Variants in HR observed in about 807,000 individuals in gnomAD.
HR encodes HR lysine demethylase and nuclear receptor corepressor.
In HR, 83 loss-of-function variants were observed where a neutral mutation model predicts 128.6. The ratio of observed to expected loss-of-function variants is 0.65; its 90% CI spans 0.54 to 0.77. The LOEUF (loss-of-function observed/expected upper bound fraction) is 0.77. HR is among the 30% of genes least tolerant of loss of function. The pLI, the probability that HR is intolerant of heterozygous loss-of-function variation, is 0.00. For synonymous variants in HR, 681 were observed against 658.2 expected, an observed-to-expected ratio of 1.03 and a Z score of -0.53; for missense variants, 1,490 against 1,574.6, an observed-to-expected ratio of 0.95 and a Z score of 0.91.
chr8:22,119,496 A>C (rs1035424986), intron 14 of HR, among the ~76,000 whole-genome samples: 5 of 151,926 alleles, frequency 3.3e-5, no homozygotes, highest in Non-Finnish European at 2.9e-5. Context: ...AATCCCAGCT[A>C]CTCGGGAGGC....
At position 22,130,729 on chromosome 8, in the gene HR, T is replaced by G. The variant is rs1827030742; in HGVS notation, c.-342A>C. On this transcript the variant is annotated 5_prime_UTR_variant, in exon 1 of 19. Transcript: ENST00000381418. The stretch of plus-strand genomic sequence containing the variant: ...GCCATGGGACGCCGAGACTCCGTGC[T>G]GCGCCGCGGGGAGGGCCGGGCCGGG... 1 of 152,154 alleles carries G rather than the reference T, an allele frequency of 6.6e-6. No individual in the cohort carries two copies. Among genetic ancestry groups the G allele is most frequent in the Admixed American group, 6.5e-5 (1 of 15,282 alleles). 9.4% of individuals were successfully genotyped at this position (152,154 alleles called of 1,614,324 possible). A position where few individuals can be genotyped will look rare whatever the true frequency, so the allele number is the denominator to read the frequency against.
intron 14 of HR, 33 bp from the exon 15 acceptor site, chr8:22,119,316 T>A: frequency 6.2e-7 from 1 of 1,612,744 alleles, no homozygotes; most frequent in Non-Finnish European, 8.5e-7. Context: ...CAGTTAGAAA[T>A]GGAATCAGAG....
At chr8:22,115,791 T>G in intron 18 of HR, 29 bp from the exon 19 acceptor site, 2 of 1,607,464 alleles carry the variant, frequency 1.2e-6, no homozygotes, top group South Asian at 2.2e-5. Flanking sequence ...ACAAAGCATT[T>G]TCAACTACAT....
At chr8:22,118,634 GC>G in intron 16 of HR, 1 of 426,068 alleles carries the variant, frequency 2.3e-6, no homozygotes, top group Non-Finnish European at 4.4e-6. Flanking sequence ...GCCTCATGGG[GC>G]GGGGGGCTGA....
chr8:22,115,726 C>T lies in HR; in HGVS notation c.3544G>A (p.Val1182Met), dbSNP rs753736200. Residue 1182 changes from valine (V) to methionine (M), a missense_variant, in exon 19 of 19, where the codon GTG becomes ATG. Physicochemically the swap from Val to Met is conservative, Grantham distance 21 (BLOSUM62 1). Around this residue, in one of 3 missense-constraint regions of HR, gnomAD observed 423 missense variants for 495.9 expected, o/e 0.85. Transcript: ENST00000381418. ...TATTTGGCCTCCTGTAATGTCCCCACGGCCACCTTCACTGCTTGGAACACA... is the reference window on the plus strand; with the variant it reads ...TATTTGGCCTCCTGTAATGTCCCCATGGCCACCTTCACTGCTTGGAACACA... ...WAVFQAVKVAVGTLQEAK is the reference protein window; with the variant it reads ...WAVFQAVKVAMGTLQEAK The T allele has an allele frequency of 2.2e-5, 36 of 1,613,830 alleles. No homozygotes were observed. The highest frequency in any genetic ancestry group is 1.6e-4 in the Middle Eastern group (1 of 6,084).
chr8:22,122,938 G>T, intron 6 of HR, 59 bp from the exon 7 acceptor site: 1 of 1,469,270 alleles, frequency 6.8e-7, no homozygotes, highest in Non-Finnish European at 9.3e-7. Flanking sequence ...ACAGGTTAAG[G>T]TCAGAGAAGG....
rs201956860 is a variant in HR, at chr8:22,117,003, C to T, written c.3250G>A (p.Ala1084Thr). 2.6e-3 allele frequency: 3,990 copies of T among 1,524,586 alleles called. 7 individuals carry two copies. Among genetic ancestry groups the T allele is most frequent in the Non-Finnish European group, 3.3e-3 (3,710 of 1,139,208 alleles). 94.4% of individuals were successfully genotyped at this position (1,524,586 alleles called of 1,614,324 possible). ...PAGAGALEPG[A>T]PGSCYLDAGL... Reference sequence around the variant, plus strand: ...GCATCCAGGTAGCAGCTGCCTGGGGCGCCAGGCTCCAGGGCGCCTGCCCCG... The same window carrying T: ...GCATCCAGGTAGCAGCTGCCTGGGGTGCCAGGCTCCAGGGCGCCTGCCCCG... The change falls in exon 17 of 19, where the codon GCC (alanine) becomes ACC (threonine). Residue 1084 changes from alanine (A) to threonine (T), a missense_variant. Coordinates refer to ENST00000381418, the MANE Select transcript of HR (RefSeq NM_005144.5).
Position 22,121,109 on chromosome 8 carries a change from G to A in HR, c.2323C>T (p.Arg775Ter), listed in dbSNP as rs904066099. The change falls in exon 10 of 19, where the codon CGA (arginine) becomes TGA (stop). Residue 775 changes from arginine (R) to a stop codon, truncating the protein, a stop_gained. Transcript: ENST00000381418. LOFTEE classifies it high-confidence loss of function. ...TAVKLCLGHE[R>*]IHMAFAPVTP... ...ACGGGGGCGAAGGCCATGTGTATTC[G>A]CTCATGGCCCAAGCAGAGTTTGACC... 7 of 1,613,830 alleles carry A rather than the reference G, an allele frequency of 4.3e-6. No homozygotes were observed. The highest frequency in any genetic ancestry group is 5.9e-6 in the Non-Finnish European group (7 of 1,180,028).
At chr8:22,118,907 G>C (rs1826660165) in intron 16 of HR, 43 bp downstream of exon 16, 1 of 1,546,778 alleles carries the variant, frequency 6.5e-7, no homozygotes, top group East Asian at 2.2e-5. Flanking sequence ...GAGCTTCTAG[G>C]GCTGGGCGGG....
chr8:22,122,758 T>G, intron 7 of HR, 32 bp downstream of exon 7: 1 of 1,543,934 alleles, frequency 6.5e-7, no homozygotes, highest in Non-Finnish European at 8.8e-7. Context: ...GGACCCAACC[T>G]CTGCACGCCC....
At position 22,128,562 on chromosome 8, in the gene HR, G is replaced by T. The variant is rs1826961152; in HGVS notation, c.609C>A (p.Ser203Arg). 6.2e-7 allele frequency: 1 copy of T among 1,611,464 alleles called. No homozygotes were observed. Among genetic ancestry groups the T allele is most frequent in the Non-Finnish European group, 8.5e-7 (1 of 1,179,478 alleles). ...CCCTCTCTGCCCCTGCACTCACCTT[G>T]CTGCCTAAGCTGAAGGCAGAGGGCA... ...PKVPSAFSLG[S>R]KGFYYKDPSI... The change falls in exon 2 of 19, where the codon AGC becomes AGA. Residue 203 changes from serine to arginine, a missense_variant. By Grantham distance (110) the Ser-to-Arg change is moderately radical. Transcript: ENST00000381418.
chr8:22,127,678 A>G lies in HR; in HGVS notation c.764T>C (p.Met255Thr). ...RPSLHQRDGEMGAGRQQNPCP... is the reference protein window; with the variant it reads ...RPSLHQRDGETGAGRQQNPCP... Reference sequence around the variant, plus strand: ...AGGATTCTGCTGCCGGCCAGCTCCCATCTCTCCATCCCTCTGGTGCAGTGA... The same window carrying G: ...AGGATTCTGCTGCCGGCCAGCTCCCGTCTCTCCATCCCTCTGGTGCAGTGA... Residue 255 changes from methionine to threonine, a missense_variant, in exon 3 of 19, where the codon ATG becomes ACG. Physicochemically the swap from Met to Thr is moderately conservative, Grantham distance 81. Coordinates refer to ENST00000381418, the MANE Select transcript of HR (RefSeq NM_005144.5). 2 of 1,609,636 alleles carry G rather than the reference A, an allele frequency of 1.2e-6. No homozygotes were observed. Among genetic ancestry groups the G allele is most frequent in the Non-Finnish European group, 1.7e-6 (2 of 1,179,366 alleles).
chr8:22,120,038 G>T (rs1826695773), intron 13 of HR, 66 bp downstream of exon 13: 1 of 1,564,356 alleles, frequency 6.4e-7, no homozygotes, highest in South Asian at 1.2e-5. Context: ...AGGAGGAGGG[G>T]AGGGCTGAAC....
chr8:22,123,378 C>T (rs1044912350), intron 6 of HR, among the ~76,000 whole-genome samples: 7 of 152,222 alleles, frequency 4.6e-5, no homozygotes, highest in African/African-American at 1.7e-4. Context: ...AGTGTTACAG[C>T]AGGTTTTAAA....
At chr8:22,122,995 C>G in intron 6 of HR, 116 bp from the exon 7 acceptor site, 1 of 1,007,372 alleles carries the variant, frequency 9.9e-7, no homozygotes, top group Non-Finnish European at 1.5e-6. Flanking sequence ...CCACAAAACT[C>G]GTGCTTTCTG....
chr8:22,126,975 G>A lies in HR; in HGVS notation c.1405+62C>T, dbSNP rs12681529. ...AAAGCCTACAGACCCCGCCCCATGCGAAGCCCCAGCCCCGGCTGCCCCCTC... is the reference window on the plus strand; with the variant it reads ...AAAGCCTACAGACCCCGCCCCATGCAAAGCCCCAGCCCCGGCTGCCCCCTC... On this transcript the variant is annotated intron_variant, in intron 3 of 18. Coordinates refer to ENST00000381418, the MANE Select transcript of HR (RefSeq NM_005144.5). 442,959 of 1,441,324 alleles carry A rather than the reference G, an allele frequency of 0.31. 74,992 individuals carry two copies. The highest frequency in any genetic ancestry group is 0.43 in the Middle Eastern group (1,721 of 3,974). The allele number at this position is 1,441,324 out of a possible 1,614,324, so 89.3% of individuals were successfully genotyped here. A position where few individuals can be genotyped will look rare whatever the true frequency, so the allele number is the denominator to read the frequency against.
intron 6 of HR, 32 bp downstream of exon 6, chr8:22,123,617 T>TACCCCCCC: frequency 1.1e-4 from 32 of 292,092 alleles, no homozygotes; most frequent in South Asian, 1.5e-4. Flanking sequence ...GAGGGCTCCA[T>TACCCCCCC]CCCGCCCTCC....
At chr8:22,122,951 A>C (rs1826793323) in intron 6 of HR, 72 bp from the exon 7 acceptor site, 5 of 1,402,648 alleles carry the variant, frequency 3.6e-6, no homozygotes, top group African/African-American at 2.8e-5. Flanking sequence ...AGAGAAGGTC[A>C]GGACATGATA....
At position 22,125,364 on chromosome 8, in the gene HR, A is replaced by T; in HGVS notation, c.1697T>A (p.Leu566Gln). 6.2e-7 allele frequency: 1 copy of T among 1,606,762 alleles called. No homozygotes were observed. The change falls in exon 5 of 19, where the codon CTG (leucine) becomes CAG (glutamine). Residue 566 changes from leucine to glutamine, a missense_variant. Leu to Gln is a moderately radical substitution (Grantham distance 113, BLOSUM62 -2). Around this residue, in one of 3 missense-constraint regions of HR, gnomAD observed 1,060 missense variants for 1,060.9 expected, o/e 1.00. Transcript: ENST00000381418. ...CCGCTCCCTCCGCAGCAGGCGGCAC[A>T]GTCGGTCCCCCAAACCACTGAGCAG... The part of the protein sequence containing the change: ...KHLLSGLGDR[L>Q]CRLLRREREA...
Sources: allele counts gnomAD v4.1 joint callset (sites outside exome capture counted in the v4.1 genomes callset), GRCh38; gene constraint gnomAD v4.1.1; regional missense constraint gnomAD v4.1.1; transcripts MANE v1.5; gene names NCBI Gene and HGNC (gene_info 2026-07-23, HGNC 2026-07-21).